The following TDRD12 variants were observed in gnomAD, a reference collection of about 807,000 sequenced individuals.
TDRD12 encodes the protein putative ATP-dependent RNA helicase TDRD12.
In TDRD12, 158 loss-of-function variants were observed where a neutral mutation model predicts 133.5. The observed-to-expected ratio is 1.18, with a 90% CI of 1.04 to 1.35. The LOEUF (loss-of-function observed/expected upper bound fraction) is 1.35. Ranked by LOEUF, TDRD12 falls within the 40% of genes most tolerant of loss-of-function variation. The probability of loss-of-function intolerance (pLI) is 0.00; values close to 1 mark genes in which losing one functional copy is unlikely to be tolerated. For synonymous variants in TDRD12, 460 were observed against 477.9 expected, an observed-to-expected ratio of 0.96 and a Z score of 0.49; for missense variants, 1,443 against 1,321.3, an observed-to-expected ratio of 1.09 and a Z score of -1.43.
At chr19:32,777,210 G>A (rs768528554) in exon 11 of TDRD12, 11 of 1,541,700 alleles carry the variant, frequency 7.1e-6, no homozygotes, top group Non-Finnish European at 9.6e-6. Context: ...AGAATATGAT[G>A]AGAAGAATAG....
chr19:32,747,814 G>A (rs1478812510), intron 4 of TDRD12, among the ~76,000 whole-genome samples: 2 of 151,914 alleles, frequency 1.3e-5, no homozygotes, highest in Non-Finnish European at 2.9e-5. Context: ...TTTGAGACCA[G>A]CCTGAGCAAC....
chr19:32,750,265 A>G (rs1226080282), intron 6 of TDRD12, among the ~76,000 whole-genome samples: 1 of 151,868 alleles, frequency 6.6e-6, no homozygotes, highest in East Asian at 1.9e-4. Context: ...AGCGGACATC[A>G]TATGTGAGTG....
intron 14 of TDRD12, among the ~76,000 whole-genome samples, chr19:32,796,604 C>T (rs1971236052): frequency 6.6e-6 from 1 of 151,688 alleles, no homozygotes; most frequent in Non-Finnish European, 1.5e-5. Flanking sequence ...AAAAAAGTTG[C>T]ATCTGTTATT....
At chr19:32,793,791 A>ATTT (rs1403277494) in intron 13 of TDRD12, among the ~76,000 whole-genome samples, 1 of 107,750 alleles carries the variant, frequency 9.3e-6, no homozygotes, top group African/African-American at 4.1e-5. Flanking sequence ...TAAAGCAAGA[A>ATTT]TCTTTTTTTT....
At chr19:32,793,563 C>G (rs1182340801) in intron 13 of TDRD12, among the ~76,000 whole-genome samples, 1 of 152,088 alleles carries the variant, frequency 6.6e-6, no homozygotes, top group Non-Finnish European at 1.5e-5. Context: ...AAGATCCTAT[C>G]CATGTGGGTG....
exon 1 of TDRD12, chr19:32,719,832 C>A (rs1402380213): frequency 3.8e-5 from 22 of 579,966 alleles, no homozygotes; most frequent in Non-Finnish European, 5.3e-5. Flanking sequence ...AGGGATCCCG[C>A]AGCGAGGGGC....
chr19:32,744,226 C>A (rs1429917193), intron 4 of TDRD12, among the ~76,000 whole-genome samples: 1 of 151,764 alleles, frequency 6.6e-6, no homozygotes, highest in Non-Finnish European at 1.5e-5. Flanking sequence ...TCTGACCGGG[C>A]CTGGTGGCTC....
rs115331090 is a variant in TDRD12, at chr19:32,795,679, C to T, written c.1473+866C>T. Among the ~76,000 whole-genome samples the T allele has an allele frequency of 2.9e-3, 436 of 152,254 alleles. 4 individuals are homozygous for T. The highest frequency in any genetic ancestry group is 0.01 in the African/African-American group (416 of 41,530). ...TCTGTTCTAGCATTGCTATAAATACCTGAGGCTGGGTAATTTATAAAGAAG... is the reference window on the plus strand; with the variant it reads ...TCTGTTCTAGCATTGCTATAAATACTTGAGGCTGGGTAATTTATAAAGAAG... On this transcript the variant is annotated intron_variant, in intron 14 of 27. Transcript: ENST00000444215.
chr19:32,796,909 G>A (rs10424621), intron 14 of TDRD12, among the ~76,000 whole-genome samples: 74,169 of 151,670 alleles, frequency 0.49, 18,233 homozygotes, highest in East Asian at 0.59. Context: ...AGGCAGTGCA[G>A]CTTCAGGAGT....
chr19:32,734,370 T>C (rs1403629935), intron 2 of TDRD12, among the ~76,000 whole-genome samples: 1 of 151,580 alleles, frequency 6.6e-6, no homozygotes, highest in Non-Finnish European at 1.5e-5. Context: ...TTTTCTTTTC[T>C]TTTCTTTTTT....
At chr19:32,722,602 A>G (rs921277695) in intron 1 of TDRD12, among the ~76,000 whole-genome samples, 3 of 152,098 alleles carry the variant, frequency 2.0e-5, no homozygotes, top group Admixed American at 6.6e-5. Flanking sequence ...TTAGCCTTAA[A>G]TATCTGAGAA....
chr19:32,745,982 C>CTGTG (rs1186338730), intron 4 of TDRD12, among the ~76,000 whole-genome samples: 169 of 63,744 alleles, frequency 2.7e-3, no homozygotes, highest in African/African-American at 0.012. Flanking sequence ...TGTGGTCATT[C>CTGTG]TGTGTGTGTG....
intron 8 of TDRD12, among the ~76,000 whole-genome samples, chr19:32,772,055 A>C (rs556349022): frequency 6.6e-6 from 1 of 152,262 alleles, no homozygotes; most frequent in East Asian, 1.9e-4. Flanking sequence ...TGGGCATGGC[A>C]GGAGGGTTTG....
chr19:32,782,200 A>G (rs960242942), intron 11 of TDRD12, among the ~76,000 whole-genome samples: 1 of 141,078 alleles, frequency 7.1e-6, no homozygotes, highest in Non-Finnish European at 1.5e-5. Context: ...CCCACTTAGG[A>G]GTGAGAACAT....
chr19:32,752,811 G>A (rs74872164), intron 6 of TDRD12, among the ~76,000 whole-genome samples: 1 of 31,244 alleles, frequency 3.2e-5, no homozygotes, highest in African/African-American at 1.3e-4. Context: ...TTTTTTTTTT[G>A]AGATGGAGTC....
chr19:32,780,118 C>T (rs1325594853), intron 11 of TDRD12, among the ~76,000 whole-genome samples: 1 of 137,010 alleles, frequency 7.3e-6, no homozygotes, highest in Non-Finnish European at 1.5e-5. Context: ...GAGTCTCGCT[C>T]TGTAGCCCAG....
At chr19:32,733,857 T>C (rs916765437) in intron 2 of TDRD12, among the ~76,000 whole-genome samples, 2 of 151,690 alleles carry the variant, frequency 1.3e-5, no homozygotes, top group Admixed American at 1.3e-4. Flanking sequence ...ACACTGTTCC[T>C]TTTTTAAATT....
At chr19:32,813,085 A>G (rs1468321191) in intron 24 of TDRD12, among the ~76,000 whole-genome samples, 1 of 152,050 alleles carries the variant, frequency 6.6e-6, no homozygotes, top group African/African-American at 2.4e-5. Flanking sequence ...CTGAGTAAGG[A>G]GGATCGCTGG....
chr19:32,806,337 G>GT (rs58555952), intron 21 of TDRD12, among the ~76,000 whole-genome samples: 35,508 of 135,112 alleles, frequency 0.26, 4,989 homozygotes, highest in East Asian at 0.37. Context: ...AGAAGACCGA[G>GT]TTTTTTTTTT....
Sources: gnomAD v4.1 joint callset for allele counts (sites outside exome capture counted in the v4.1 genomes callset) on GRCh38, gnomAD v4.1.1 for gene constraint, MANE v1.5 for transcripts, NCBI Gene and HGNC (gene_info 2026-07-23, HGNC 2026-07-21) for gene names.